Variants in FOCAD observed in about 807,000 individuals in gnomAD.
The protein encoded by FOCAD is focadhesin, also known as KIAA1797.
In FOCAD, 198 loss-of-function variants were observed where a neutral mutation model predicts 225.6. The observed-to-expected ratio is 0.88, with a 90% CI of 0.78 to 0.99. The LOEUF (loss-of-function observed/expected upper bound fraction) is 0.99, where lower values mean the gene tolerates loss of function less well. Ranked by LOEUF, FOCAD falls within the 50% of genes least tolerant of loss-of-function variation. FOCAD has a pLI of 0.00. For synonymous variants in FOCAD, 897 were observed against 755.0 expected (o/e 1.19, Z -3.08); for missense variants, 2,713 against 2,123.6 (o/e 1.28, Z -5.46).
At position 20,978,421 on chromosome 9, in the gene FOCAD, G is replaced by C. The variant is rs1564233968; in HGVS notation, c.4344G>C (p.Leu1448Phe). ...SSQNAAALLG[L>F]WVTPPLIHSL... ...AGAATGCAGCTGCACTATTGGGCTT[G>C]TGGGTGACACCACCACTGATCCACA... The change falls in exon 37 of 44, where the codon TTG becomes TTC. Residue 1448 changes from leucine (L) to phenylalanine (F), a missense_variant. Coordinates refer to ENST00000338382, the MANE Select transcript of FOCAD (RefSeq NM_001375567.1). The C allele has an allele frequency of 1.9e-6, 3 of 1,611,974 alleles. No individual in the cohort carries two copies. Among genetic ancestry groups the C allele is most frequent in the Non-Finnish European group, 1.7e-6 (2 of 1,178,910 alleles).
chr9:20,816,246 C>T (rs1361545783), intron 11 of FOCAD, among the ~76,000 whole-genome samples: 2 of 152,120 alleles, frequency 1.3e-5, no homozygotes, highest in Non-Finnish European at 2.9e-5. Context: ...TATAAAATGT[C>T]AGTAAATATA....
chr9:20,803,504 A>G (rs1004938358), intron 11 of FOCAD, among the ~76,000 whole-genome samples: 5 of 152,158 alleles, frequency 3.3e-5, no homozygotes, highest in Admixed American at 6.5e-5. Context: ...TATGGCTAGA[A>G]TTTGTTGAAG....
At chr9:20,706,237 G>A (rs898401035) in intron 1 of FOCAD, among the ~76,000 whole-genome samples, 6 of 152,004 alleles carry the variant, frequency 3.9e-5, no homozygotes, top group Non-Finnish European at 7.4e-5. Flanking sequence ...GCCTGGCCAA[G>A]TTTGTAGTTT....
chr9:20,661,247 A>T (rs1441622365), intron 2 of FOCAD, among the ~76,000 whole-genome samples: 1 of 152,316 alleles, frequency 6.6e-6, no homozygotes, highest in East Asian at 1.9e-4. Context: ...TAGTAAAAGG[A>T]CTGAGAAGTA....
chr9:20,699,846 C>T (rs1182261066), intron 1 of FOCAD, among the ~76,000 whole-genome samples: 6 of 121,902 alleles, frequency 4.9e-5, no homozygotes, highest in African/African-American at 1.9e-4. Flanking sequence ...TTAACCCCTT[C>T]TTCGTTCTCC....
At chr9:20,860,683 A>G (rs186413594) in intron 15 of FOCAD, among the ~76,000 whole-genome samples, 12 of 152,002 alleles carry the variant, frequency 7.9e-5, no homozygotes, top group African/African-American at 2.7e-4. Flanking sequence ...GCTAATTTTT[A>G]TACTTTTAGT....
chr9:20,776,806 A>G (rs563704679), intron 8 of FOCAD, among the ~76,000 whole-genome samples: 4 of 152,312 alleles, frequency 2.6e-5, no homozygotes, highest in South Asian at 2.1e-4. Context: ...TCGTTTTGGA[A>G]TCTAGTAAAT....
At chr9:20,678,567 C>T (rs911454229) in intron 2 of FOCAD, among the ~76,000 whole-genome samples, 4 of 152,188 alleles carry the variant, frequency 2.6e-5, no homozygotes, top group Non-Finnish European at 4.4e-5. Context: ...GTCAGATATT[C>T]TCTTTTTGCC....
intron 21 of FOCAD, among the ~76,000 whole-genome samples, chr9:20,906,590 C>T (rs918925292): frequency 2.0e-5 from 3 of 151,970 alleles, no homozygotes; most frequent in Admixed American, 6.6e-5. Flanking sequence ...TAATTTGTCT[C>T]TTGTTTACCC....
intron 35 of FOCAD, among the ~76,000 whole-genome samples, chr9:20,954,564 A>ATCT (rs1454762609): frequency 6.6e-6 from 1 of 152,202 alleles, no homozygotes; most frequent in Non-Finnish European, 1.5e-5. Flanking sequence ...ATCTTATTCA[A>ATCT]TCTTCGGTTG....
chr9:20,770,202 T>G lies in FOCAD; in HGVS notation c.870T>G (p.Ile290Met). The G allele has an allele frequency of 6.2e-7, 1 of 1,614,080 alleles. No individual in the cohort carries two copies. The highest frequency in any genetic ancestry group is 8.5e-7 in the Non-Finnish European group (1 of 1,180,000). ...LKITGECSSS[I>M]HLLEHSVELL... ...TAACTGGTGAATGTTCATCTTCAATTCACCTTTTAGAGCACAGTGTTGAAC... is the reference window on the plus strand; with the variant it reads ...TAACTGGTGAATGTTCATCTTCAATGCACCTTTTAGAGCACAGTGTTGAAC... Residue 290 changes from isoleucine (I) to methionine (M), a missense_variant, in exon 8 of 44, where the codon ATT becomes ATG. Ile to Met is a conservative substitution (Grantham distance 10, BLOSUM62 1). Transcript: ENST00000338382.
chr9:20,719,255 G>C (rs1330830044), intron 3 of FOCAD, among the ~76,000 whole-genome samples: 1 of 151,942 alleles, frequency 6.6e-6, no homozygotes, highest in East Asian at 1.9e-4. Context: ...CCAGTTTTTT[G>C]TATTTTTAGT....
At chr9:20,955,309 A>C (rs1486243171) in intron 35 of FOCAD, among the ~76,000 whole-genome samples, 1 of 152,082 alleles carries the variant, frequency 6.6e-6, no homozygotes, top group Non-Finnish European at 1.5e-5. Flanking sequence ...AATTTAGCCA[A>C]TCAAATTTGA....
chr9:20,744,134 G>A (rs1254154967), intron 5 of FOCAD, among the ~76,000 whole-genome samples: 3 of 152,146 alleles, frequency 2.0e-5, no homozygotes, highest in African/African-American at 4.8e-5. Flanking sequence ...ACATGTTAGT[G>A]TTCTTCATGG....
At chr9:20,945,242 T>C (rs1181615473) in intron 29 of FOCAD, among the ~76,000 whole-genome samples, 2 of 152,228 alleles carry the variant, frequency 1.3e-5, no homozygotes, top group Non-Finnish European at 2.9e-5. Flanking sequence ...TTTTTTCTGT[T>C]GTGGTGCAAA....
At chr9:20,806,283 T>G (rs1822446007) in intron 11 of FOCAD, among the ~76,000 whole-genome samples, 1 of 152,216 alleles carries the variant, frequency 6.6e-6, no homozygotes, top group Non-Finnish European at 1.5e-5. Flanking sequence ...ATTTTAAATT[T>G]GAATGCTTCC....
intron 27 of FOCAD, among the ~76,000 whole-genome samples, chr9:20,931,971 A>G (rs1055534735): frequency 7.9e-5 from 12 of 151,910 alleles, no homozygotes; most frequent in African/African-American, 2.7e-4. Flanking sequence ...CTTATGAAAA[A>G]GTCTCCTGAA....
chr9:20,820,855 G>C, intron 13 of FOCAD, 86 bp from the exon 14 acceptor site: 1 of 1,422,078 alleles, frequency 7.0e-7, no homozygotes, highest in African/African-American at 1.4e-5. Flanking sequence ...TGGAGGATTT[G>C]GAGGTGAAAA....
At chr9:20,957,567 C>G (rs1436468708) in intron 35 of FOCAD, 2 of 142,736 alleles carry the variant, frequency 1.4e-5, no homozygotes, top group African/African-American at 5.2e-5. Context: ...CTCTGCCTCC[C>G]AGGCTCAAGT....
Sources: allele counts gnomAD v4.1 joint callset (sites outside exome capture counted in the v4.1 genomes callset), GRCh38; gene constraint gnomAD v4.1.1; transcripts MANE v1.5; gene names NCBI Gene and HGNC (gene_info 2026-07-23, HGNC 2026-07-21).